The following FLI1 variants were observed in gnomAD, a reference collection of about 807,000 sequenced individuals.
FLI1 encodes the protein Fli-1 proto-oncogene, ETS transcription factor.
In FLI1, 13 loss-of-function variants were observed where a neutral mutation model predicts 53.1. The ratio of observed to expected loss-of-function variants is 0.24; its 90% confidence interval spans 0.16 to 0.39. The LOEUF (loss-of-function observed/expected upper bound fraction) is 0.39, where lower values mean the gene tolerates loss of function less well. Among genes scored for constraint, FLI1 ranks in the 10% least tolerant of loss-of-function variants. The pLI, the probability that FLI1 is intolerant of heterozygous loss-of-function variation, is 1.00. For missense variants in FLI1, 424 were observed against 600.5 expected (o/e 0.71, Z 3.07); for synonymous variants, 244 against 236.7 (o/e 1.03, Z -0.28).
chr11:128,779,984 T>C (rs971666783), intron 4 of FLI1, among the ~76,000 whole-genome samples: 1 of 152,218 alleles, frequency 6.6e-6, no homozygotes, highest in Non-Finnish European at 1.5e-5. Flanking sequence ...TTTGTGCATC[T>C]AACTTTTAAA....
rs372454174 is a variant in FLI1, at chr11:128,772,928, G to A, written c.532G>A (p.Ala178Thr). ...CKMNKEDFLRATTLYNTEVLL... is the reference protein window; with the variant it reads ...CKMNKEDFLRTTTLYNTEVLL... ...AATGAACAAGGAGGACTTCCTCCGC[G>A]CCACCACCCTCTACAACACGGAAGT... Residue 178 changes from alanine (A) to threonine (T), a missense_variant, in exon 4 of 9, where the codon GCC (alanine) becomes ACC (threonine). This residue lies in a region of FLI1 where 114 missense variants were observed against 117.9 expected (regional missense o/e 0.97). Coordinates refer to ENST00000527786, the MANE Select transcript of FLI1 (RefSeq NM_002017.5). 36 of 1,613,986 alleles carry A rather than the reference G, an allele frequency of 2.2e-5. No homozygotes were observed. The East Asian group carries it at 2.9e-4, about 13-fold the overall frequency.
At chr11:128,803,471 C>A (rs574828993) in intron 5 of FLI1, among the ~76,000 whole-genome samples, 1 of 152,310 alleles carries the variant, frequency 6.6e-6, no homozygotes, top group East Asian at 1.9e-4. Context: ...CCCACCTCTG[C>A]CTTGTTCCTA....
At chr11:128,776,915 C>T (rs1941745633) in intron 4 of FLI1, among the ~76,000 whole-genome samples, 1 of 152,224 alleles carries the variant, frequency 6.6e-6, no homozygotes, top group Non-Finnish European at 1.5e-5. Flanking sequence ...GGCAGCCCGG[C>T]CACTTCCCCC....
intron 1 of FLI1, among the ~76,000 whole-genome samples, chr11:128,724,374 G>C (rs1939383477): frequency 1.3e-5 from 2 of 152,194 alleles, no homozygotes; most frequent in South Asian, 4.1e-4. Context: ...GGGGCAGCAG[G>C]TGAGGAGGCA....
chr11:128,766,025 G>T (rs1941327464), intron 2 of FLI1, among the ~76,000 whole-genome samples: 1 of 152,196 alleles, frequency 6.6e-6, no homozygotes, highest in South Asian at 2.1e-4. Context: ...CGTGTTCTCT[G>T]TTGAAGTATG....
chr11:128,690,078 C>T (rs1937673939), upstream of FLI1, among the ~76,000 whole-genome samples: 1 of 152,240 alleles, frequency 6.6e-6, no homozygotes, highest in Non-Finnish European at 1.5e-5. Flanking sequence ...CCAGGGGCGG[C>T]TTGAGCTGCC....
chr11:128,763,561 T>TTG, intron 2 of FLI1, among the ~76,000 whole-genome samples: 1 of 152,250 alleles, frequency 6.6e-6, no homozygotes, highest in Non-Finnish European at 1.5e-5. Flanking sequence ...AGTTCAGAGC[T>TTG]AACCTTCCTT....
Position 128,807,027 on chromosome 11 carries a change from T to C in FLI1, c.722-153T>C, listed in dbSNP as rs1456835008. 10 of 436,468 alleles carry C rather than the reference T, an allele frequency of 2.3e-5. No individual in the cohort carries two copies. In the South Asian group the frequency reaches 2.4e-4, roughly 10 times the overall value. 27.0% of individuals were successfully genotyped at this position (436,468 alleles called of 1,614,324 possible). On this transcript the variant is annotated intron_variant, in intron 6 of 8. Transcript: ENST00000527786. ...CCTGGAGAACAGGGCCAGCACATAG[T>C]AGATTCTAGGTAAATGTTTCTAAAA...
intron 1 of FLI1, among the ~76,000 whole-genome samples, chr11:128,736,976 C>T (rs1486099335): frequency 6.6e-6 from 1 of 152,154 alleles, no homozygotes; most frequent in African/African-American, 2.4e-5. Flanking sequence ...AAACAAACAA[C>T]CATGCCAAGC....
intron 5 of FLI1, among the ~76,000 whole-genome samples, chr11:128,800,964 C>T (rs771541302): frequency 2.0e-5 from 3 of 152,142 alleles, no homozygotes; most frequent in Admixed American, 6.5e-5. Flanking sequence ...TCAGCCTTCA[C>T]GACAGTGAAA....
intron 1 of FLI1, among the ~76,000 whole-genome samples, chr11:128,688,749 A>T (rs2135674857): frequency 6.6e-6 from 1 of 152,232 alleles, no homozygotes; most frequent in South Asian, 2.1e-4. Context: ...AGAACAAGGG[A>T]AAGGGAGAGA....
intron 1 of FLI1, among the ~76,000 whole-genome samples, chr11:128,751,507 CT>C (rs903797673): frequency 7.9e-5 from 12 of 151,588 alleles, no homozygotes; most frequent in Non-Finnish European, 1.5e-4. Flanking sequence ...ACCACCACAC[CT>C]TTTTTTTATT....
At chr11:128,727,951 C>T (rs929539742) in intron 1 of FLI1, among the ~76,000 whole-genome samples, 5 of 152,348 alleles carry the variant, frequency 3.3e-5, no homozygotes, top group African/African-American at 1.2e-4. Flanking sequence ...CTTCTCTGTC[C>T]CACACCGGCC....
intron 1 of FLI1, among the ~76,000 whole-genome samples, chr11:128,748,578 A>G (rs1003418616): frequency 1.3e-5 from 2 of 152,118 alleles, no homozygotes; most frequent in Non-Finnish European, 2.9e-5. Flanking sequence ...GGTTGCGGTA[A>G]GCTGAGATCG....
intron 1 of FLI1, among the ~76,000 whole-genome samples, chr11:128,734,620 A>T (rs566164424): frequency 6.6e-6 from 1 of 151,050 alleles, no homozygotes; most frequent in Non-Finnish European, 1.5e-5. Flanking sequence ...GCTGGCGGTC[A>T]CTTGCTCTTG....
intron 1 of FLI1, among the ~76,000 whole-genome samples, chr11:128,701,150 G>A (rs937353902): frequency 6.6e-6 from 1 of 152,074 alleles, no homozygotes; most frequent in East Asian, 1.9e-4. Context: ...ATGGCATTAG[G>A]GGAGGGAGGA....
At chr11:128,758,654 C>T (rs1459170924) in intron 2 of FLI1, among the ~76,000 whole-genome samples, 1 of 152,216 alleles carries the variant, frequency 6.6e-6, no homozygotes, top group Non-Finnish European at 1.5e-5. Context: ...TTGGGGACAG[C>T]TTAGCAATAA....
In FLI1 at chr11:128,811,094, A is replaced by G; in HGVS notation, c.*106A>G. 9.3e-7 allele frequency: 1 copy of G among 1,071,164 alleles called. No individual in the cohort carries two copies. The highest frequency in any genetic ancestry group is 2.2e-5 in the Admixed American group (1 of 45,894). The allele number at this position is 1,071,164 out of a possible 1,614,324, so 66.4% of individuals were successfully genotyped here. A position where few individuals can be genotyped will look rare whatever the true frequency, so the allele number is the denominator to read the frequency against. Reference sequence around the variant, plus strand: ...GGCCTTGAAGGGAAGACAAAACTGGATGTTCTTTCTTGTTGGATAGAACCT... The same window carrying G: ...GGCCTTGAAGGGAAGACAAAACTGGGTGTTCTTTCTTGTTGGATAGAACCT... On this transcript the variant is annotated 3_prime_UTR_variant, in exon 9 of 9. Coordinates refer to ENST00000527786, the MANE Select transcript of FLI1 (RefSeq NM_002017.5).
chr11:128,777,823 G>T (rs1020692678), intron 4 of FLI1, among the ~76,000 whole-genome samples: 1 of 146,696 alleles, frequency 6.8e-6, no homozygotes, highest in Non-Finnish European at 1.5e-5. Context: ...CAAAGGCTTT[G>T]GCACTGGGAC....
Sources: allele counts gnomAD v4.1 joint callset (sites outside exome capture counted in the v4.1 genomes callset), GRCh38; gene constraint gnomAD v4.1.1; regional missense constraint gnomAD v4.1.1; transcripts MANE v1.5; gene names NCBI Gene and HGNC (gene_info 2026-07-23, HGNC 2026-07-21).